The following VPS41 variants were observed in gnomAD, a reference collection of about 807,000 sequenced individuals.
VPS41 encodes the protein VPS41 subunit of HOPS complex, also known as vacuolar protein sorting-associated protein 41 homolog.
In VPS41, 85 loss-of-function variants were observed where a neutral mutation model predicts 130.9. That is an observed-to-expected ratio of 0.65 (90% confidence interval 0.55 to 0.78). VPS41 has a LOEUF of 0.78. Among genes scored for constraint, VPS41 ranks in the 30% least tolerant of loss-of-function variants. The probability of loss-of-function intolerance (pLI) is 0.00; values close to 1 mark genes in which losing one functional copy is unlikely to be tolerated. For missense variants in VPS41, 874 were observed against 1,018.7 expected (o/e 0.86, Z 1.93); for synonymous variants, 335 against 332.9 (o/e 1.01, Z -0.07).
chr7:38,763,496 A>T lies in VPS41; in HGVS notation c.1381T>A (p.Tyr461Asn). The part of the protein sequence containing the change: ...RGDPVLKPLI[Y>N]EMILHEFLES... ...AAAAATTCATGTAAGATCATTTCATAGATGAGTGGTTTCAGAACTGGATCA... is the reference window on the plus strand; with the variant it reads ...AAAAATTCATGTAAGATCATTTCATTGATGAGTGGTTTCAGAACTGGATCA... The change falls in exon 17 of 29, where the codon TAT becomes AAT. Residue 461 changes from tyrosine (Y) to asparagine (N), a missense_variant. By Grantham distance (143) the Tyr-to-Asn change is moderately radical. Transcript: ENST00000310301. The T allele has an allele frequency of 1.9e-6, 3 of 1,609,086 alleles. No homozygotes were observed. The highest frequency in any genetic ancestry group is 2.2e-5 in the South Asian group (2 of 90,248).
At chr7:38,764,486 C>A (rs938204495) in intron 16 of VPS41, among the ~76,000 whole-genome samples, 2 of 152,168 alleles carry the variant, frequency 1.3e-5, no homozygotes, top group Admixed American at 6.5e-5. Flanking sequence ...AAGTGAGAGT[C>A]CAGACTTATT....
intron 24 of VPS41, among the ~76,000 whole-genome samples, chr7:38,743,171 T>C (rs904585074): frequency 6.6e-6 from 1 of 152,206 alleles, no homozygotes; most frequent in African/African-American, 2.4e-5. Flanking sequence ...ATTAATAAAC[T>C]GTGTAGCCAC....
At chr7:38,901,468 T>C (rs924998772) in intron 1 of VPS41, among the ~76,000 whole-genome samples, 3 of 152,274 alleles carry the variant, frequency 2.0e-5, no homozygotes, top group South Asian at 2.1e-4. Flanking sequence ...GTAGCTGGCA[T>C]ATGCAGAGAT....
chr7:38,880,366 A>AT (rs928049270), intron 2 of VPS41, among the ~76,000 whole-genome samples: 7 of 151,952 alleles, frequency 4.6e-5, no homozygotes, highest in African/African-American at 1.7e-4. Context: ...ATTTAAAAAA[A>AT]TTTTTTTTCA....
chr7:38,839,053 G>T (rs937955141), intron 4 of VPS41, among the ~76,000 whole-genome samples: 1 of 152,184 alleles, frequency 6.6e-6, no homozygotes, highest in African/African-American at 2.4e-5. Flanking sequence ...AGAGAGGAAT[G>T]AATAAGAAAT....
intron 2 of VPS41, among the ~76,000 whole-genome samples, chr7:38,892,796 T>C (rs1031599595): frequency 1.3e-5 from 2 of 152,154 alleles, no homozygotes; most frequent in African/African-American, 2.4e-5. Context: ...CCTCTCACTG[T>C]TTATACTGGA....
chr7:38,847,222 G>T (rs946340875), intron 4 of VPS41, among the ~76,000 whole-genome samples: 5 of 151,998 alleles, frequency 3.3e-5, no homozygotes, highest in Non-Finnish European at 7.4e-5. Context: ...CAACCAAAAT[G>T]ATCTGAACTA....
intron 17 of VPS41, among the ~76,000 whole-genome samples, chr7:38,758,981 A>G (rs1176041186): frequency 6.6e-6 from 1 of 152,220 alleles, no homozygotes; most frequent in African/African-American, 2.4e-5. Flanking sequence ...CATCTAATCC[A>G]TTTGGCTGTT....
chr7:38,768,697 T>C (rs1397902026), intron 14 of VPS41, among the ~76,000 whole-genome samples: 4 of 152,232 alleles, frequency 2.6e-5, no homozygotes, highest in African/African-American at 9.6e-5. Context: ...ACAGGTTCTT[T>C]CCATCAAGGT....
intron 24 of VPS41, among the ~76,000 whole-genome samples, chr7:38,743,191 A>G (rs1795918402): frequency 6.6e-6 from 1 of 152,214 alleles, no homozygotes; most frequent in African/African-American, 2.4e-5. Context: ...CCTGTTCTTC[A>G]TCACATGCAG....
chr7:38,832,446 G>A (rs1036830622), intron 4 of VPS41, among the ~76,000 whole-genome samples: 1 of 151,186 alleles, frequency 6.6e-6, no homozygotes, highest in Non-Finnish European at 1.5e-5. Flanking sequence ...AGCCTCCCGA[G>A]TAGCTGGGAT....
chr7:38,879,880 T>A (rs1042435689), intron 2 of VPS41, among the ~76,000 whole-genome samples: 1 of 108,064 alleles, frequency 9.3e-6, no homozygotes, highest in Admixed American at 1.1e-4. Flanking sequence ...AGGTCACTAA[T>A]GTCATTTCTT....
At chr7:38,855,348 T>C (rs1785959474) in intron 4 of VPS41, among the ~76,000 whole-genome samples, 1 of 151,448 alleles carries the variant, frequency 6.6e-6, no homozygotes, top group African/African-American at 2.4e-5. Context: ...TGCTGAAACA[T>C]GAAAAAAGAG....
intron 9 of VPS41, among the ~76,000 whole-genome samples, chr7:38,793,628 C>T (rs932544724): frequency 6.6e-6 from 1 of 152,096 alleles, no homozygotes; most frequent in African/African-American, 2.4e-5. Context: ...TTTTAAACAT[C>T]TGTTACAGTT....
In VPS41 at chr7:38,758,425, T is replaced by C. The variant is rs1401636972; in HGVS notation, c.1479A>G (p.Ile493Met). 6.2e-7 allele frequency: 1 copy of C among 1,613,416 alleles called. No homozygotes were observed. The highest frequency in any genetic ancestry group is 1.3e-5 in the African/African-American group (1 of 74,894). The change falls in exon 18 of 29, where the codon ATA becomes ATG. Residue 493 changes from isoleucine to methionine, a missense_variant. Ile to Met is a conservative substitution (Grantham distance 10). Coordinates refer to ENST00000310301, the MANE Select transcript of VPS41 (RefSeq NM_014396.4). ...WPGDLYNNSV[I>M]VQAVRDHLKK... ...TCAAATGATCCCGAACTGCTTGAAC[T>C]ATGACTGAATTATTATACAGATCTC... is the stretch of plus-strand genomic sequence containing the variant.
chr7:38,746,155 G>C lies in VPS41; in HGVS notation c.1927-542C>G, dbSNP rs1795980760. ...ATCACAGGGGCTGAAAGAGAACTCT[G>C]CTCAAGGATCTGTCAAAGGTGAGAA... On this transcript the variant is annotated intron_variant, in intron 22 of 28. Transcript: ENST00000310301. 2.6e-5 allele frequency among the ~76,000 whole-genome samples: 4 copies of C among 152,004 alleles called. No homozygotes were observed. In the South Asian group the frequency reaches 8.3e-4, roughly 32 times the overall value.
chr7:38,881,186 G>A (rs2116380342), intron 2 of VPS41, among the ~76,000 whole-genome samples: 1 of 152,292 alleles, frequency 6.6e-6, no homozygotes, highest in South Asian at 2.1e-4. Flanking sequence ...GGTGTCAGTA[G>A]TGCTGCCCTC....
chr7:38,800,909 A>T (rs757853376), intron 7 of VPS41, among the ~76,000 whole-genome samples: 21 of 152,262 alleles, frequency 1.4e-4, no homozygotes, highest in Non-Finnish European at 2.5e-4. Context: ...TTGAACATGT[A>T]TTAGAATGAA....
chr7:38,840,418 T>C (rs1393717405), intron 4 of VPS41, among the ~76,000 whole-genome samples: 3 of 152,156 alleles, frequency 2.0e-5, no homozygotes, highest in Non-Finnish European at 4.4e-5. Context: ...TAATGACAGT[T>C]ACTACAATAT....
Sources: allele counts gnomAD v4.1 joint callset (sites outside exome capture counted in the v4.1 genomes callset), GRCh38; gene constraint gnomAD v4.1.1; transcripts MANE v1.5; gene names NCBI Gene and HGNC (gene_info 2026-07-23, HGNC 2026-07-21).